Variants in BACH2 observed in about 807,000 individuals in gnomAD.
BACH2 encodes BACH transcriptional regulator 2.
A neutral mutation model predicts 61.8 loss-of-function variants in BACH2; 5 were observed. The observed-to-expected ratio is 0.08, with a 90% CI of 0.04 to 0.17. The LOEUF (loss-of-function observed/expected upper bound fraction) is 0.17. Ranked by LOEUF, BACH2 falls within the 10% of genes least tolerant of loss-of-function variation. The pLI is 1.00. For synonymous variants in BACH2, 446 were observed against 440.1 expected, an observed-to-expected ratio of 1.01 and a Z score of -0.17; for missense variants, 824 against 1,091.1, an observed-to-expected ratio of 0.76 and a Z score of 3.45.
intron 4 of BACH2, among the ~76,000 whole-genome samples, chr6:90,103,029 A>ATATTTTTT: frequency 4.7e-5 from 1 of 21,162 alleles, no homozygotes; most frequent in Non-Finnish European, 8.0e-5. Context: ...ATATATATAT[A>ATATTTTTT]TTTTTTTTTT....
At chr6:90,187,020 C>T (rs997895198) in intron 4 of BACH2, among the ~76,000 whole-genome samples, 5 of 152,192 alleles carry the variant, frequency 3.3e-5, no homozygotes, top group Admixed American at 1.3e-4. Context: ...GAGTCTGTTG[C>T]ATATACATAA....
intron 4 of BACH2, among the ~76,000 whole-genome samples, chr6:90,164,519 T>C (rs922664583): frequency 3.3e-5 from 5 of 151,984 alleles, no homozygotes; most frequent in Non-Finnish European, 7.4e-5. Context: ...TCTGAAACTA[T>C]TCCAATCAAT....
chr6:90,120,826 C>T (rs1318006090), intron 4 of BACH2, among the ~76,000 whole-genome samples: 1 of 152,206 alleles, frequency 6.6e-6, no homozygotes, highest in African/African-American at 2.4e-5. Context: ...AGCACATCAG[C>T]TCTCTCTGCA....
chr6:90,118,208 T>C lies in BACH2; in HGVS notation c.-161-29099A>G, dbSNP rs544098910. Among the ~76,000 whole-genome samples the C allele has an allele frequency of 4.6e-5, 7 of 152,326 alleles. No homozygotes were observed. The South Asian group carries it at 1.2e-3, about 27-fold the overall frequency. ...GGAATGTCATACTAACCAAGAAATC[T>C]GAAGGGGAACCATCTATTATTCATA... is the stretch of plus-strand genomic sequence containing the variant. On this transcript the variant is annotated intron_variant, in intron 4 of 8. Transcript: ENST00000257749.
Position 89,950,460 on chromosome 6 carries a change from G to A in BACH2, c.1646C>T (p.Pro549Leu). 1.2e-6 allele frequency: 2 copies of A among 1,614,176 alleles called. No homozygotes were observed. Among genetic ancestry groups the A allele is most frequent in the Non-Finnish European group, 1.7e-6 (2 of 1,180,022 alleles). The stretch of plus-strand genomic sequence containing the variant: ...AAGGAATCTGGCTCCCTGGGAACAG[G>A]GCGAGGAGGAGAACTCACAGAGAGG... Reference protein sequence around the residue: ...SLPLCEFSSSPCSQGARFLAT... With the variant: ...SLPLCEFSSSLCSQGARFLAT... The change falls in exon 7 of 9, where the codon CCC (proline) becomes CTC (leucine). Residue 549 changes from proline (P) to leucine (L), a missense_variant. Coordinates refer to ENST00000257749, the MANE Select transcript of BACH2 (RefSeq NM_021813.4). This position sits in a 1 kb window ranked among gnomAD's most constrained non-coding sequence, Gnocchi z 5.3.
chr6:90,008,650 C>T lies in BACH2; in HGVS notation c.195G>A (p.Ala65=), dbSNP rs138881451. 111 of 1,614,190 alleles carry T rather than the reference C, an allele frequency of 6.9e-5. No homozygotes were observed. The African/African-American group carries it at 9.1e-4, about 13-fold the overall frequency. ...LAACSEYFWQ[A]LVGQTKNDLV... is the part of the protein sequence containing the mutation. ...AATCATTTTTTGTCTGTCCAACCAG[C>T]GCCTGCCAAAAATATTCACTGCATG... The change falls in exon 6 of 9, where the codon GCG becomes GCA. Residue 65 remains alanine (A), a synonymous_variant. Coordinates refer to ENST00000257749, the MANE Select transcript of BACH2 (RefSeq NM_021813.4). This position sits in a 1 kb window ranked among gnomAD's most constrained non-coding sequence, Gnocchi z 4.1.
At chr6:90,002,162 G>A (rs140800003) in intron 6 of BACH2, among the ~76,000 whole-genome samples, 26 of 152,162 alleles carry the variant, frequency 1.7e-4, no homozygotes, top group African/African-American at 4.6e-4. Context: ...GGCTTACCAC[G>A]CACTATGCTT....
intron 6 of BACH2, among the ~76,000 whole-genome samples, chr6:89,958,130 A>G (rs548098625): frequency 6.6e-6 from 1 of 152,124 alleles, no homozygotes; most frequent in East Asian, 1.9e-4. Context: ...AGTCACTTAT[A>G]ATTTTTTTGT....
At chr6:89,999,568 A>G (rs544979642) in intron 6 of BACH2, among the ~76,000 whole-genome samples, 1 of 152,080 alleles carries the variant, frequency 6.6e-6, no homozygotes, top group Admixed American at 6.5e-5. Flanking sequence ...TTAATTAAGT[A>G]CCTTGGTAAA....
chr6:90,089,695 C>T (rs889533722), intron 4 of BACH2, among the ~76,000 whole-genome samples: 1 of 151,866 alleles, frequency 6.6e-6, no homozygotes, highest in Admixed American at 6.6e-5. Flanking sequence ...ACCTTGACAC[C>T]GATAAATCAC....
chr6:89,961,474 C>T (rs1018503778), intron 6 of BACH2, among the ~76,000 whole-genome samples: 2 of 152,122 alleles, frequency 1.3e-5, no homozygotes, highest in African/African-American at 4.8e-5. Context: ...TTTTAAATGA[C>T]CCTCTTCCCA....
rs1390407731 is a variant in BACH2, at chr6:90,118,592, T to C, written c.-161-29483A>G. Among the ~76,000 whole-genome samples, 4 of 152,332 alleles carry C rather than the reference T, an allele frequency of 2.6e-5. No homozygotes were observed. The East Asian group carries it at 5.8e-4, about 22-fold the overall frequency. ...AATGATCAGTACTCATGAGCTAGAA[T>C]TGACTTGTTCATGTTCATATTGTCT... On this transcript the variant is annotated intron_variant, in intron 4 of 8. Coordinates refer to ENST00000257749, the MANE Select transcript of BACH2 (RefSeq NM_021813.4).
At chr6:90,089,724 T>C (rs1236112266) in intron 4 of BACH2, among the ~76,000 whole-genome samples, 2 of 152,184 alleles carry the variant, frequency 1.3e-5, no homozygotes, top group Non-Finnish European at 2.9e-5. Context: ...TTTTGTTGTA[T>C]GGGTCTGAAA....
chr6:89,959,097 G>GCACGCA (rs1491367437), intron 6 of BACH2, among the ~76,000 whole-genome samples: 31 of 134,484 alleles, frequency 2.3e-4, no homozygotes, highest in Admixed American at 1.9e-3. Context: ...ATGCACAAGT[G>GCACGCA]CACACACACA....
chr6:90,187,600 G>C (rs186660299), intron 4 of BACH2, among the ~76,000 whole-genome samples: 308 of 152,324 alleles, frequency 2.0e-3, no homozygotes, highest in African/African-American at 6.8e-3. Flanking sequence ...ATCTGGATCT[G>C]TTCACAGAGA....
At chr6:89,987,578 G>C (rs1776311402) in intron 6 of BACH2, among the ~76,000 whole-genome samples, 1 of 152,138 alleles carries the variant, frequency 6.6e-6, no homozygotes, top group Non-Finnish European at 1.5e-5. Flanking sequence ...ATGCCAGAGG[G>C]TGTAAACGGG....
At chr6:90,182,420 T>C (rs1340759924) in intron 4 of BACH2, among the ~76,000 whole-genome samples, 1 of 152,180 alleles carries the variant, frequency 6.6e-6, no homozygotes, top group Non-Finnish European at 1.5e-5. Flanking sequence ...CCGTCAAGGA[T>C]TTCCTACCTC....
At chr6:90,123,642 C>T (rs1242912813) in intron 4 of BACH2, among the ~76,000 whole-genome samples, 20 of 150,180 alleles carry the variant, frequency 1.3e-4, no homozygotes, top group African/African-American at 4.4e-4. Flanking sequence ...TAGTGGCGGG[C>T]GCCTGTAGTC....
At chr6:90,051,890 T>A (rs1304091496) in intron 5 of BACH2, among the ~76,000 whole-genome samples, 6 of 152,248 alleles carry the variant, frequency 3.9e-5, no homozygotes, top group Admixed American at 3.3e-4. Context: ...TATATCATAT[T>A]TTCATTATCA....
Sources: allele counts gnomAD v4.1 joint callset (sites outside exome capture counted in the v4.1 genomes callset), GRCh38; gene constraint gnomAD v4.1.1; non-coding constraint Gnocchi (gnomAD v3.1); transcripts MANE v1.5; gene names NCBI Gene and HGNC (gene_info 2026-07-23, HGNC 2026-07-21).